The following CEACAM20 variants were observed in gnomAD, a reference collection of about 807,000 sequenced individuals.
CEACAM20 encodes the protein cell adhesion molecule CEACAM20.
A neutral mutation model predicts 61.2 loss-of-function variants in CEACAM20; 50 were observed. That is an observed-to-expected ratio of 0.82 (90% CI 0.65 to 1.03). CEACAM20 has a LOEUF of 1.03. Ranked by LOEUF, CEACAM20 falls within the 50% of genes least tolerant of loss-of-function variation. CEACAM20 has a pLI of 0.00. For missense variants in CEACAM20, 683 were observed against 736.4 expected (o/e 0.93, Z 0.84); for synonymous variants, 282 against 287.7 (o/e 0.98, Z 0.20).
Position 44,511,075 on chromosome 19 carries a change from GA to G in CEACAM20, c.1691del (p.Leu564ProfsTer19). 1 of 1,614,020 alleles carries G rather than the reference GA, an allele frequency of 6.2e-7. No individual in the cohort carries two copies. Among genetic ancestry groups the G allele is most frequent in the Non-Finnish European group, 8.5e-7 (1 of 1,179,888 alleles). ...TTTTTGGCACAGTGGAGACCAATCT[GA>G]GTGGGGGCATCAGAGGTTTGGGTGG... Reference protein sequence around the residue: ...KPPPKPLMPPLRLVSTVPKNM... With the variant: ...KPPPKPLMPPXRLVSTVPKNM... On this transcript the variant is annotated frameshift_variant, in exon 11 of 12. Transcript: ENST00000614924. LOFTEE classifies it low-confidence loss of function (END_TRUNC).
chr19:44,525,324 G>T (rs1008098411), intron 1 of CEACAM20, 80 bp from the exon 2 acceptor site: 2 of 1,375,976 alleles, frequency 1.5e-6, no homozygotes, highest in Non-Finnish European at 1.9e-6. Flanking sequence ...GAAGCACAGG[G>T]AGCTCTGAGG....
chr19:44,512,221 C>T, intron 8 of CEACAM20, 143 bp from the exon 9 acceptor site: 1 of 687,012 alleles, frequency 1.5e-6, no homozygotes, highest in Non-Finnish European at 2.6e-6. Context: ...TGAGCTTGAC[C>T]AGGAATGTCC....
At chr19:44,524,953 C>T in intron 2 of CEACAM20, 148 bp downstream of exon 2, 2 of 1,009,448 alleles carry the variant, frequency 2.0e-6, no homozygotes, top group Admixed American at 2.9e-5. Flanking sequence ...TTACCCCTGA[C>T]CCCTGGCACA....
At chr19:44,525,317 G>A in intron 1 of CEACAM20, 73 bp from the exon 2 acceptor site, 1 of 1,420,096 alleles carries the variant, frequency 7.0e-7, no homozygotes, top group Non-Finnish European at 9.4e-7. Context: ...GTCTTCAGAA[G>A]CACAGGGAGC....
At position 44,529,671 on chromosome 19, in the gene CEACAM20, C is replaced by G; in HGVS notation, c.-162G>C. On this transcript the variant is annotated 5_prime_UTR_variant, in exon 1 of 12. Coordinates refer to ENST00000614924, the MANE Select transcript of CEACAM20 (RefSeq NM_001102597.3). ...ACTGCAGTAACTGCAGCTCCCAGGA[C>G]AGACAGGGGTGGTGGCAGGAAAGTA... 5.0e-6 allele frequency: 3 copies of G among 604,158 alleles called. No individual in the cohort carries two copies. Among genetic ancestry groups the G allele is most frequent in the Non-Finnish European group, 8.8e-6 (3 of 341,544 alleles). The allele number at this position is 604,158 out of a possible 1,614,324, so 37.4% of individuals were successfully genotyped here. A position where few individuals can be genotyped will look rare whatever the true frequency, so the allele number is the denominator to read the frequency against.
At chr19:44,514,397 A>C (rs1971094995) in intron 6 of CEACAM20, among the ~76,000 whole-genome samples, 1 of 151,732 alleles carries the variant, frequency 6.6e-6, no homozygotes, top group African/African-American at 2.4e-5. Context: ...TTGGAGGGGC[A>C]GGAGGGAACT....
intron 1 of CEACAM20, among the ~76,000 whole-genome samples, chr19:44,525,505 C>T (rs1223565172): frequency 1.3e-5 from 2 of 152,146 alleles, no homozygotes; most frequent in Non-Finnish European, 2.9e-5. Context: ...TGCAGTGGCG[C>T]AATCTCAGCT....
chr19:44,529,432 G>A (rs376637944), intron 1 of CEACAM20, 26 bp downstream of exon 1: 277 of 1,602,476 alleles, frequency 1.7e-4, no homozygotes, highest in Non-Finnish European at 2.3e-4. Flanking sequence ...CCCTCCTCCC[G>A]CATCTGAAGG....
Position 44,519,729 on chromosome 19 carries a change from G to A in CEACAM20, c.1030+745C>T, listed in dbSNP as rs530703833. Among the ~76,000 whole-genome samples, 8 of 152,164 alleles carry A rather than the reference G, an allele frequency of 5.3e-5. No homozygotes were observed. The South Asian group carries it at 6.2e-4, about 12-fold the overall frequency. Reference sequence around the variant, plus strand: ...GTCCAGCCCTATCATCTCTTGCTGCGCAACTCTGGCCACCAGGAGAAGCTC... The same window carrying A: ...GTCCAGCCCTATCATCTCTTGCTGCACAACTCTGGCCACCAGGAGAAGCTC... On this transcript the variant is annotated intron_variant, in intron 5 of 11. Coordinates refer to ENST00000614924, the MANE Select transcript of CEACAM20 (RefSeq NM_001102597.3).
chr19:44,528,952 CTTTCTTT>C (rs1434730843), intron 1 of CEACAM20, among the ~76,000 whole-genome samples: 1,759 of 111,002 alleles, frequency 0.016, 31 homozygotes, highest in African/African-American at 0.061. Context: ...TTCTCTCTTT[CTTTCTTT>C]TTTTTTTTTT....
Position 44,510,623 on chromosome 19 carries a change from G to A in CEACAM20, c.1737+407C>T, listed in dbSNP as rs10415915. Among the ~76,000 whole-genome samples the A allele has an allele frequency of 6.1e-3, 549 of 90,122 alleles. 20 individuals are homozygous for A. Among genetic ancestry groups the A allele is most frequent in the East Asian group, 0.018 (53 of 3,026 alleles). The allele number at this position is 90,122 out of a possible 152,430, so 59.1% of individuals were successfully genotyped here. A position where few individuals can be genotyped will look rare whatever the true frequency, so the allele number is the denominator to read the frequency against. On this transcript the variant is annotated intron_variant, in intron 11 of 11. Coordinates refer to ENST00000614924, the MANE Select transcript of CEACAM20 (RefSeq NM_001102597.3). ...AAGAAAGAAAGAAAAAGGAAGGAAG[G>A]AAGAAAGAAAGAGAAGAAAGAAAAT...
intron 1 of CEACAM20, 49 bp from the exon 2 acceptor site, chr19:44,525,293 G>C: frequency 1.3e-6 from 2 of 1,518,832 alleles, no homozygotes; most frequent in Non-Finnish European, 1.8e-6. Context: ...TGTGTTGGGG[G>C]TTGCCCGGCT....
At position 44,511,013 on chromosome 19, in the gene CEACAM20, G is replaced by A; in HGVS notation, c.1737+17C>T. ...AGATTTCCACCTGTCCAAAGACTCA[G>A]TGTGGCATAAACATACCTCATAGAT... is the stretch of plus-strand genomic sequence containing the variant. On this transcript the variant is annotated intron_variant, in intron 11 of 11. Transcript: ENST00000614924. The A allele has an allele frequency of 2.5e-6, 4 of 1,613,738 alleles. No individual in the cohort carries two copies. Among genetic ancestry groups the A allele is most frequent in the Non-Finnish European group, 3.4e-6 (4 of 1,179,726 alleles).
chr19:44,522,352 C>G (rs1408103826), intron 4 of CEACAM20, among the ~76,000 whole-genome samples: 2 of 152,134 alleles, frequency 1.3e-5, no homozygotes, highest in African/African-American at 2.4e-5. Context: ...ATCTGCCCAC[C>G]TCGGCCTCCC....
chr19:44,528,960 T>C (rs937353667), intron 1 of CEACAM20, among the ~76,000 whole-genome samples: 10 of 138,470 alleles, frequency 7.2e-5, no homozygotes, highest in South Asian at 2.3e-4. Flanking sequence ...TTCTTTCTTT[T>C]TTTTTTTTTT....
At chr19:44,519,099 C>T (rs1448517178) in intron 5 of CEACAM20, among the ~76,000 whole-genome samples, 1 of 152,346 alleles carries the variant, frequency 6.6e-6, no homozygotes, top group Non-Finnish European at 1.5e-5. Context: ...TTCCCTGACT[C>T]TGCTCTAAGC....
In CEACAM20 at chr19:44,520,547, G is replaced by A. The variant is rs12982449; in HGVS notation, c.957C>T (p.Thr319=). The A allele has an allele frequency of 1.1e-5, 17 of 1,613,570 alleles. No homozygotes were observed. The highest frequency in any genetic ancestry group is 3.3e-5 in the Admixed American group (2 of 59,968). The part of the protein sequence containing the change: ...LIIHGLQRND[T]GPYACEVWNW... The stretch of plus-strand genomic sequence containing the variant: ...TCCAGACCTCACAGGCATAGGGCCC[G>A]GTGTCATTCCGCTGGAGGCCATGGA... The change falls in exon 5 of 12, where the codon ACC becomes ACT. Residue 319 remains threonine, a synonymous_variant. Coordinates refer to ENST00000614924, the MANE Select transcript of CEACAM20 (RefSeq NM_001102597.3).
chr19:44,510,512 C>CA (rs59841944), intron 11 of CEACAM20, among the ~76,000 whole-genome samples: 22,365 of 85,520 alleles, frequency 0.26, 2,837 homozygotes, highest in East Asian at 0.56. Flanking sequence ...GACCCTGTCT[C>CA]AAAAAAAAAA....
At chr19:44,509,585 C>T (rs1436546845) in intron 11 of CEACAM20, among the ~76,000 whole-genome samples, 30 of 151,420 alleles carry the variant, frequency 2.0e-4, no homozygotes. Flanking sequence ...GAATGAAGTG[C>T]CATAAAGGGC....
Sources: allele counts gnomAD v4.1 joint callset (sites outside exome capture counted in the v4.1 genomes callset), GRCh38; gene constraint gnomAD v4.1.1; transcripts MANE v1.5; gene names NCBI Gene and HGNC (gene_info 2026-07-23, HGNC 2026-07-21).